The following DLGAP2 variants were observed in gnomAD, a reference collection of about 807,000 sequenced individuals.
DLGAP2 encodes the protein DLG associated protein 2.
DLGAP2 carries 26 observed loss-of-function variants against 100.3 expected under a neutral mutation model. The ratio of observed to expected loss-of-function variants is 0.26; its 90% CI spans 0.19 to 0.36. The LOEUF is 0.36. Among genes scored for constraint, DLGAP2 ranks in the 10% least tolerant of loss-of-function variants. The pLI is 1.00. For synonymous variants in DLGAP2, 886 were observed against 630.1 expected (o/e 1.41, Z -6.08); for missense variants, 1,858 against 1,453.2 (o/e 1.28, Z -4.53).
chr8:1,183,271 C>T (rs1797430463), intron 2 of DLGAP2, among the ~76,000 whole-genome samples: 1 of 152,008 alleles, frequency 6.6e-6, no homozygotes, highest in South Asian at 2.1e-4. Flanking sequence ...GAAGGGGAGA[C>T]TCCAGAATAA....
intron 2 of DLGAP2, among the ~76,000 whole-genome samples, chr8:1,226,644 G>T (rs1409931376): frequency 6.6e-6 from 1 of 152,132 alleles, no homozygotes; most frequent in Non-Finnish European, 1.5e-5. Flanking sequence ...ATGGGCAAAG[G>T]ACCTGAGTAG....
intron 1 of DLGAP2, chr8:740,039 G>C (rs1820444082): frequency 6.6e-6 from 1 of 152,200 alleles, no homozygotes; most frequent in African/African-American, 2.4e-5. Flanking sequence ...CCCCTTCACT[G>C]TCACTCCTTG....
At chr8:1,321,005 G>T (rs892586745) in intron 3 of DLGAP2, among the ~76,000 whole-genome samples, 2 of 151,614 alleles carry the variant, frequency 1.3e-5, no homozygotes, top group Admixed American at 6.6e-5. Context: ...GTGCCTCTGC[G>T]TGTGTGTGGG....
intron 3 of DLGAP2, among the ~76,000 whole-genome samples, chr8:1,333,669 C>G (rs1011008013): frequency 6.6e-6 from 1 of 152,196 alleles, no homozygotes; most frequent in Admixed American, 6.5e-5. Context: ...CCGATGTAAC[C>G]GCGGGCTCTC....
intron 3 of DLGAP2, among the ~76,000 whole-genome samples, chr8:1,371,184 T>C (rs2129706419): frequency 6.6e-6 from 1 of 152,354 alleles, no homozygotes; most frequent in South Asian, 2.1e-4. Flanking sequence ...GCCTCCGTCC[T>C]GTATGCATTA....
At chr8:1,160,361 CGGGGCA>C (rs1563221749) in intron 2 of DLGAP2, among the ~76,000 whole-genome samples, 1 of 152,156 alleles carries the variant, frequency 6.6e-6, no homozygotes, top group Non-Finnish European at 1.5e-5. Flanking sequence ...GCCCCAAACT[CGGGGCA>C]AGGAAGTGCT....
chr8:1,492,579 C>G (rs1292705406), intron 3 of DLGAP2, among the ~76,000 whole-genome samples: 1 of 152,224 alleles, frequency 6.6e-6, no homozygotes, highest in Non-Finnish European at 1.5e-5. Flanking sequence ...TGTCACTGCG[C>G]CTGCGCGGTG....
chr8:1,472,973 C>T (rs1403936385), intron 3 of DLGAP2, among the ~76,000 whole-genome samples: 5 of 152,108 alleles, frequency 3.3e-5, no homozygotes, highest in African/African-American at 4.8e-5. Flanking sequence ...TTGCTTTGTC[C>T]AGGCTGGAGT....
At chr8:1,588,702 G>A (rs371988508) in intron 6 of DLGAP2, among the ~76,000 whole-genome samples, 13 of 114,236 alleles carry the variant, frequency 1.1e-4, no homozygotes, top group East Asian at 8.5e-4. Context: ...AGCAGTTCAA[G>A]ACCAGTCTGG....
chr8:1,610,746 G>A (rs1213755722), intron 6 of DLGAP2, among the ~76,000 whole-genome samples: 1 of 146,422 alleles, frequency 6.8e-6, no homozygotes, highest in Non-Finnish European at 1.5e-5. Context: ...TACCATCAGA[G>A]AATACTACAA....
intron 4 of DLGAP2, among the ~76,000 whole-genome samples, chr8:1,507,441 C>T (rs1383926201): frequency 6.6e-6 from 1 of 152,180 alleles, no homozygotes; most frequent in African/African-American, 2.4e-5. Context: ...CCGGCCGCTC[C>T]AAGTGCGGGG....
chr8:1,701,115 G>A, intron 14 of DLGAP2, 73 bp from the exon 15 acceptor site: 4 of 1,426,422 alleles, frequency 2.8e-6, no homozygotes, highest in Non-Finnish European at 2.8e-6. Flanking sequence ...CCAGGCCCCA[G>A]GGCCGCTGAG....
At chr8:1,058,157 G>T (rs1021015145) in intron 2 of DLGAP2, among the ~76,000 whole-genome samples, 3 of 151,860 alleles carry the variant, frequency 2.0e-5, no homozygotes, top group East Asian at 1.9e-4. Context: ...TTGACTAGCG[G>T]CGGGTCTGGG....
At chr8:855,137 G>A (rs191364484) in intron 1 of DLGAP2, among the ~76,000 whole-genome samples, 21 of 152,314 alleles carry the variant, frequency 1.4e-4, no homozygotes, top group East Asian at 1.2e-3. Context: ...CAGCGTCTTC[G>A]TGTGGGTGGC....
intron 2 of DLGAP2, among the ~76,000 whole-genome samples, chr8:1,191,443 T>G (rs1220916315): frequency 2.6e-5 from 4 of 152,178 alleles, no homozygotes; most frequent in Admixed American, 6.5e-5. Context: ...GTGCGGGGAT[T>G]ATAGGCGTGA....
chr8:1,262,805 T>G (rs1437728447), intron 3 of DLGAP2, among the ~76,000 whole-genome samples: 1 of 152,192 alleles, frequency 6.6e-6, no homozygotes, highest in Non-Finnish European at 1.5e-5. Flanking sequence ...TTTTTAAGCT[T>G]TATTGACAGA....
intron 1 of DLGAP2, among the ~76,000 whole-genome samples, chr8:862,199 G>C (rs567610987): frequency 2.0e-5 from 3 of 152,112 alleles, no homozygotes; most frequent in African/African-American, 7.2e-5. Context: ...TAATCCACGG[G>C]CTGAGTCGCA....
intron 3 of DLGAP2, among the ~76,000 whole-genome samples, chr8:1,312,724 C>A (rs1218491564): frequency 2.0e-5 from 3 of 152,124 alleles, no homozygotes; most frequent in South Asian, 4.2e-4. Context: ...ATGCACATAC[C>A]TTTTGACTCA....
At chr8:905,085 A>G (rs768632748) in intron 1 of DLGAP2, among the ~76,000 whole-genome samples, 1 of 152,116 alleles carries the variant, frequency 6.6e-6, no homozygotes, top group Non-Finnish European at 1.5e-5. Context: ...CCTTTTTCGA[A>G]CACAGATTGT....
Sources: allele counts gnomAD v4.1 joint callset (sites outside exome capture counted in the v4.1 genomes callset), GRCh38; gene constraint gnomAD v4.1.1; transcripts MANE v1.5; gene names NCBI Gene and HGNC (gene_info 2026-07-23, HGNC 2026-07-21).